The following SIGLEC7 variants were observed in gnomAD, a reference collection of about 807,000 sequenced individuals.
The protein encoded by SIGLEC7 is sialic acid-binding Ig-like lectin 7.
A neutral mutation model predicts 40.8 loss-of-function variants in SIGLEC7; 33 were observed. That is an observed-to-expected ratio of 0.81 (90% CI 0.61 to 1.08). SIGLEC7 has a LOEUF of 1.08. SIGLEC7 is among the 50% of genes least tolerant of loss of function. The pLI, the probability that SIGLEC7 is intolerant of heterozygous loss-of-function variation, is 0.00. For missense variants in SIGLEC7, 513 were observed against 576.1 expected (o/e 0.89, Z 1.12); for synonymous variants, 242 against 237.6 (o/e 1.02, Z -0.17).
intron 6 of SIGLEC7, among the ~76,000 whole-genome samples, chr19:51,152,471 T>G (rs987584824): frequency 1.3e-5 from 2 of 152,186 alleles, no homozygotes; most frequent in East Asian, 3.8e-4. Context: ...TGAGTTGTCC[T>G]CCCCATACCA....
Position 51,142,320 on chromosome 19 carries a change from C to T in SIGLEC7, c.-50C>T. 1 of 1,586,242 alleles carries T rather than the reference C, an allele frequency of 6.3e-7. No homozygotes were observed. The highest frequency in any genetic ancestry group is 1.3e-5 in the African/African-American group (1 of 74,782). ...GAGCCCGCAGTTCCTGAGAGAAGAA[C>T]CCTGAGGAACAGACGTTCCCTCGCG... On this transcript the variant is annotated 5_prime_UTR_variant, in exon 1 of 7. Coordinates refer to ENST00000317643, the MANE Select transcript of SIGLEC7 (RefSeq NM_014385.4). This position sits in a 1 kb window ranked among gnomAD's most constrained non-coding sequence, Gnocchi z 5.0.
chr19:51,149,484 G>C (rs896447493), intron 6 of SIGLEC7, among the ~76,000 whole-genome samples: 4 of 151,924 alleles, frequency 2.6e-5, no homozygotes, highest in African/African-American at 9.7e-5. Context: ...TTTATTTCTG[G>C]GCTCTCTATT....
chr19:51,146,146 G>A (rs1358497538), intron 4 of SIGLEC7, 25 bp downstream of exon 4: 2 of 1,607,854 alleles, frequency 1.2e-6, no homozygotes, highest in Non-Finnish European at 1.7e-6. Flanking sequence ...GGCTGGAGGA[G>A]GAGAACACAC....
chr19:51,147,340 C>T (rs1478580693), intron 6 of SIGLEC7, 23 bp downstream of exon 6: 7 of 1,590,598 alleles, frequency 4.4e-6, no homozygotes, highest in Non-Finnish European at 3.4e-6. Context: ...GGCGTCTCCA[C>T]ACCCAGCATC....
Position 51,152,590 on chromosome 19 carries a change from G to A in SIGLEC7, c.1222-473G>A, listed in dbSNP as rs16988948. Among the ~76,000 whole-genome samples, 1,301 of 152,180 alleles carry A rather than the reference G, an allele frequency of 8.5e-3. 18 individuals carry two copies. The highest frequency in any genetic ancestry group is 0.03 in the African/African-American group (1,231 of 41,514). ...TCTTATAATTCACACATAGATATTC[G>A]TTTGTTTGACAGTCATTTTTGCCAA... On this transcript the variant is annotated intron_variant, in intron 6 of 6. Coordinates refer to ENST00000317643, the MANE Select transcript of SIGLEC7 (RefSeq NM_014385.4).
Position 51,145,039 on chromosome 19 carries a change from A to T in SIGLEC7, c.760+80A>T. Reference sequence around the variant, plus strand: ...AGGGCCAGGTCCCTCCTCATCCTGGACTCACCCTGGTGATATGAGACTCCC... The same window carrying T: ...AGGGCCAGGTCCCTCCTCATCCTGGTCTCACCCTGGTGATATGAGACTCCC... On this transcript the variant is annotated intron_variant, in intron 3 of 6. Transcript: ENST00000317643. This position sits in a 1 kb window ranked among gnomAD's most constrained non-coding sequence, Gnocchi z 4.3. 1.4e-6 allele frequency: 2 copies of T among 1,385,230 alleles called. No individual in the cohort carries two copies. Among genetic ancestry groups the T allele is most frequent in the South Asian group, 2.3e-5 (2 of 86,218 alleles). The allele number at this position is 1,385,230 out of a possible 1,614,324, so 85.8% of individuals were successfully genotyped here.
chr19:51,153,305 A>T lies in SIGLEC7; in HGVS notation c.*60A>T. On this transcript the variant is annotated 3_prime_UTR_variant, in exon 7 of 7. Coordinates refer to ENST00000317643, the MANE Select transcript of SIGLEC7 (RefSeq NM_014385.4). ...ACGACCCCTCCAGCAAAGGAGTCTG[A>T]GGCTGATTCCAGTAGAATTAGCAGC... 7.5e-7 allele frequency: 1 copy of T among 1,327,814 alleles called. No homozygotes were observed. The highest frequency in any genetic ancestry group is 1.0e-6 in the Non-Finnish European group (1 of 989,248). The allele number at this position is 1,327,814 out of a possible 1,614,324, so 82.3% of individuals were successfully genotyped here.
At chr19:51,143,013 G>A (rs1343051595) in intron 1 of SIGLEC7, among the ~76,000 whole-genome samples, 1 of 152,074 alleles carries the variant, frequency 6.6e-6, no homozygotes, top group African/African-American at 2.4e-5. Context: ...CCACAGGCCT[G>A]ACATCCTCAT....
chr19:51,152,999 G>T, intron 6 of SIGLEC7, 64 bp from the exon 7 acceptor site: 1 of 1,347,098 alleles, frequency 7.4e-7, no homozygotes, highest in South Asian at 2.2e-5. Context: ...AACAACTTGT[G>T]ACTCTCCCTG....
chr19:51,147,256 C>A lies in SIGLEC7; in HGVS notation c.1160C>A (p.Ala387Glu). The A allele has an allele frequency of 6.2e-7, 1 of 1,612,598 alleles. No homozygotes were observed. The highest frequency in any genetic ancestry group is 8.5e-7 in the Non-Finnish European group (1 of 1,179,014). Residue 387 changes from alanine (A) to glutamate (E), a missense_variant, in exon 6 of 7, where the codon GCA (alanine) becomes GAA (glutamate). Coordinates refer to ENST00000317643, the MANE Select transcript of SIGLEC7 (RefSeq NM_014385.4). ...RSCRKKSARP[A>E]ADVGDIGMKD... The stretch of plus-strand genomic sequence containing the variant: ...TGCAGGAAGAAATCGGCAAGGCCAG[C>A]AGCGGACGTGGGAGACATAGGCATG...
rs372158707 is a variant in SIGLEC7 at position 51,148,867 on chromosome 19, A to G, written c.1221+1550A>G. On this transcript the variant is annotated intron_variant, in intron 6 of 6. Coordinates refer to ENST00000317643, the MANE Select transcript of SIGLEC7 (RefSeq NM_014385.4). ...GCCTCTGTGATTTTTTTTACTTTTT[A>G]AAAGTAGCCATTCTGACTGGTGTGA... 4.8e-3 allele frequency among the ~76,000 whole-genome samples: 728 copies of G among 152,156 alleles called. 4 individuals are homozygous for G. The highest frequency in any genetic ancestry group is 1.0e-2 in the South Asian group (48 of 4,822).
At chr19:51,151,867 T>C (rs1051779539) in intron 6 of SIGLEC7, among the ~76,000 whole-genome samples, 1 of 152,198 alleles carries the variant, frequency 6.6e-6, no homozygotes, top group Non-Finnish European at 1.5e-5. Flanking sequence ...GCAAAATCAC[T>C]GACAGTTCCA....
intron 6 of SIGLEC7, among the ~76,000 whole-genome samples, chr19:51,152,305 C>T (rs1422293822): frequency 6.6e-6 from 1 of 152,174 alleles, no homozygotes; most frequent in Non-Finnish European, 1.5e-5. Flanking sequence ...CCAAATAATC[C>T]AGGATAACCT....
At chr19:51,146,628 A>G in intron 4 of SIGLEC7, 126 bp from the exon 5 acceptor site, 1 of 743,668 alleles carries the variant, frequency 1.3e-6, no homozygotes, top group Non-Finnish European at 2.2e-6. Flanking sequence ...CCTCCCTCCC[A>G]TTCTTGCCCT....
intron 6 of SIGLEC7, among the ~76,000 whole-genome samples, chr19:51,152,464 G>C (rs1222772269): frequency 6.6e-6 from 1 of 152,186 alleles, no homozygotes; most frequent in Non-Finnish European, 1.5e-5. Context: ...CTTTGACTGA[G>C]TTGTCCTCCC....
At position 51,145,867 on chromosome 19, in the gene SIGLEC7, T is replaced by C. The variant is rs772772441; in HGVS notation, c.773T>C (p.Leu258Pro). 3 of 1,614,158 alleles carry C rather than the reference T, an allele frequency of 1.9e-6. No individual in the cohort carries two copies. The highest frequency in any genetic ancestry group is 1.7e-5 in the Admixed American group (1 of 60,028). Residue 258 changes from leucine to proline, a missense_variant, in exon 4 of 7, where the codon CTG (leucine) becomes CCG (proline). Coordinates refer to ENST00000317643, the MANE Select transcript of SIGLEC7 (RefSeq NM_014385.4). The surrounding 1 kb of genome is among the most constrained non-coding windows in gnomAD (Gnocchi z 4.3). Reference sequence around the variant, plus strand: ...TTTTTCTCTACAGCATCCACAGCTCTGGGGAACAGCTCATCTCTTTCAGTC... The same window carrying C: ...TTTTTCTCTACAGCATCCACAGCTCCGGGGAACAGCTCATCTCTTTCAGTC... The part of the protein sequence containing the change: ...FQGEGTASTA[L>P]GNSSSLSVLE...
At chr19:51,143,941 T>G in intron 1 of SIGLEC7, 1 of 466,362 alleles carries the variant, frequency 2.1e-6, no homozygotes, top group Admixed American at 2.5e-5. Context: ...ACAACTGAAC[T>G]GACTCTAGCC....
rs766058973 is a variant in SIGLEC7, at chr19:51,144,566, C to G, written c.594C>G (p.Arg198=). The G allele has an allele frequency of 4.3e-6, 7 of 1,613,898 alleles. No homozygotes were observed. Among genetic ancestry groups the G allele is most frequent in the South Asian group, 1.1e-5 (1 of 91,088 alleles). The change falls in exon 2 of 7, where the codon CGC becomes CGG. Residue 198 remains arginine (R), a synonymous_variant. Coordinates refer to ENST00000317643, the MANE Select transcript of SIGLEC7 (RefSeq NM_014385.4). ...CCCCCCTGCACCCCTCCACCACCCG[C>G]TCCTCAGTGCTCACCCTCATCCCAC... The part of the protein sequence containing the change: ...SVSPLHPSTT[R]SSVLTLIPQP...
intron 6 of SIGLEC7, among the ~76,000 whole-genome samples, chr19:51,148,852 T>C (rs1248028670): frequency 6.6e-6 from 1 of 152,104 alleles, no homozygotes; most frequent in Non-Finnish European, 1.5e-5. Context: ...GCCTCTGTGA[T>C]TTTTTTTACT....
Sources: gnomAD v4.1 joint callset for allele counts (sites outside exome capture counted in the v4.1 genomes callset) on GRCh38, gnomAD v4.1.1 for gene constraint, Gnocchi (gnomAD v3.1) non-coding constraint, MANE v1.5 for transcripts, NCBI Gene and HGNC (gene_info 2026-07-23, HGNC 2026-07-21) for gene names.